DMC1: variants seen among roughly 807,000 people sequenced by gnomAD.
DMC1 encodes the protein DNA meiotic recombinase 1, also known as meiotic recombination protein DMC1 homolog.
DMC1 carries 27 observed loss-of-function variants against 50.1 expected under a neutral mutation model. The ratio of observed to expected loss-of-function variants is 0.54; its 90% CI spans 0.40 to 0.74. DMC1 has a LOEUF of 0.74. Ranked by LOEUF, DMC1 falls within the 30% of genes least tolerant of loss-of-function variation. DMC1 has a pLI of 0.00. For synonymous variants in DMC1, 148 were observed against 136.1 expected, an observed-to-expected ratio of 1.09 and a Z score of -0.61; for missense variants, 295 against 420.2, an observed-to-expected ratio of 0.70 and a Z score of 2.60.
At chr22:38,520,404 C>A (rs186315687) in intron 13 of DMC1, among the ~76,000 whole-genome samples, 1 of 151,400 alleles carries the variant, frequency 6.6e-6, no homozygotes, top group African/African-American at 2.4e-5. Flanking sequence ...TTGCTCTTGT[C>A]CCCCAGGCAA....
chr22:38,533,757 T>C (rs149109310), intron 12 of DMC1, among the ~76,000 whole-genome samples: 141 of 152,284 alleles, frequency 9.3e-4, no homozygotes, highest in African/African-American at 3.2e-3. Context: ...AGTCTCAAAT[T>C]ATCACACCAC....
rs776357976 is a variant in DMC1 at position 38,550,017 on chromosome 22, T to G, written c.422-20A>C. On this transcript the variant is annotated intron_variant, in intron 7 of 13. Transcript: ENST00000216024. Reference sequence around the variant, plus strand: ...CTGTCACTAGGAAGCAATTAAAAATTTATATTAATAGGAGTGAATAAACTT... The same window carrying G: ...CTGTCACTAGGAAGCAATTAAAAATGTATATTAATAGGAGTGAATAAACTT... 1 of 1,586,090 alleles carries G rather than the reference T, an allele frequency of 6.3e-7. No individual in the cohort carries two copies. Among genetic ancestry groups the G allele is most frequent in the Non-Finnish European group, 8.6e-7 (1 of 1,157,564 alleles).
intron 8 of DMC1, among the ~76,000 whole-genome samples, chr22:38,540,471 T>TAAAAAAAATGTTTA (rs2090268582): frequency 6.6e-6 from 1 of 152,232 alleles, no homozygotes; most frequent in Non-Finnish European, 1.5e-5. Context: ...AATAAACATT[T>TAAAAAAAATGTTTA]TTTTTAGGTC....
chr22:38,546,544 C>G (rs1406371283), intron 8 of DMC1, among the ~76,000 whole-genome samples: 1 of 152,172 alleles, frequency 6.6e-6, no homozygotes, highest in African/African-American at 2.4e-5. Flanking sequence ...CGACATTTCA[C>G]CCTCCTTCCC....
At chr22:38,530,973 G>A (rs969705919) in intron 12 of DMC1, among the ~76,000 whole-genome samples, 2 of 152,154 alleles carry the variant, frequency 1.3e-5, no homozygotes, top group African/African-American at 2.4e-5. Flanking sequence ...AGGAGGCTGA[G>A]GCAGGAGAAT....
At chr22:38,540,204 C>A (rs561439167) in intron 8 of DMC1, among the ~76,000 whole-genome samples, 41 of 152,190 alleles carry the variant, frequency 2.7e-4, no homozygotes, top group African/African-American at 9.6e-4. Flanking sequence ...AGCCATCATA[C>A]CTAGCTAATT....
chr22:38,525,446 C>A (rs1159499562), intron 12 of DMC1, among the ~76,000 whole-genome samples: 1 of 152,116 alleles, frequency 6.6e-6, no homozygotes, highest in South Asian at 2.1e-4. Flanking sequence ...AGATGTATAG[C>A]CATGATTTTT....
At chr22:38,555,063 C>G (rs564001039) in intron 6 of DMC1, among the ~76,000 whole-genome samples, 2 of 148,436 alleles carry the variant, frequency 1.3e-5, no homozygotes, top group African/African-American at 5.0e-5. Context: ...CAGCCTGGAC[C>G]TGGGTGACAC....
At chr22:38,535,060 G>A (rs2090195380) in intron 12 of DMC1, among the ~76,000 whole-genome samples, 2 of 152,002 alleles carry the variant, frequency 1.3e-5, no homozygotes, top group Non-Finnish European at 2.9e-5. Context: ...AGCACTTTGG[G>A]AGGCCGGGGC....
intron 12 of DMC1, among the ~76,000 whole-genome samples, chr22:38,524,004 T>C (rs1379108604): frequency 6.6e-6 from 1 of 152,226 alleles, no homozygotes; most frequent in African/African-American, 2.4e-5. Context: ...TCAATGCTGC[T>C]CATTCTCCTG....
At chr22:38,538,971 G>A (rs2090249660) in intron 9 of DMC1, among the ~76,000 whole-genome samples, 1 of 151,758 alleles carries the variant, frequency 6.6e-6, no homozygotes, top group Non-Finnish European at 1.5e-5. Flanking sequence ...AGGAGTTGGA[G>A]GTTGCAGTGA....
intron 2 of DMC1, among the ~76,000 whole-genome samples, chr22:38,567,964 C>T (rs947095913): frequency 6.6e-6 from 1 of 152,220 alleles, no homozygotes. Flanking sequence ...GGCTGCTATT[C>T]GGTACCCGTG....
intron 4 of DMC1, 45 bp from the exon 5 acceptor site, chr22:38,562,414 A>G (rs765540225): frequency 2.9e-6 from 4 of 1,373,388 alleles, no homozygotes; most frequent in Non-Finnish European, 4.2e-6. Flanking sequence ...TTTAAAGATC[A>G]TGGTTGTATT....
At chr22:38,526,487 C>A (rs2090091037) in intron 12 of DMC1, among the ~76,000 whole-genome samples, 2 of 151,928 alleles carry the variant, frequency 1.3e-5, no homozygotes, top group South Asian at 4.2e-4. Flanking sequence ...GGATTACAGG[C>A]GTGGGCCACC....
intron 8 of DMC1, among the ~76,000 whole-genome samples, chr22:38,543,290 C>T (rs2145890949): frequency 6.7e-6 from 1 of 149,692 alleles, no homozygotes; most frequent in African/African-American, 2.5e-5. Flanking sequence ...AGTGCAATGG[C>T]ATGATCTCGG....
At chr22:38,555,536 C>T (rs2090460970) in intron 5 of DMC1, 127 bp from the exon 6 acceptor site, 2 of 651,640 alleles carry the variant, frequency 3.1e-6, no homozygotes, top group East Asian at 2.9e-5. Flanking sequence ...ATCTACCTAT[C>T]TATCTACAGA....
At chr22:38,510,612 A>G in the DMC1 span, among the ~76,000 whole-genome samples, 1 of 152,210 alleles carries the variant, frequency 6.6e-6, no homozygotes, top group Non-Finnish European at 1.5e-5. Flanking sequence ...AGCTGAATGT[A>G]GCTGCGTGAG....
At position 38,568,233 on chromosome 22, in the gene DMC1, C is replaced by T. The variant is rs182712531; in HGVS notation, c.24G>A (p.Ala8=). The change falls in exon 2 of 14, where the codon GCG becomes GCA. Residue 8 remains alanine, a synonymous_variant. Transcript: ENST00000216024. ...CTTCATCTTGGAATCCTGGTTCTTCCGCCACAACTTGATCCTCCTTCATAT... is the reference window on the plus strand; with the variant it reads ...CTTCATCTTGGAATCCTGGTTCTTCTGCCACAACTTGATCCTCCTTCATAT... MKEDQVV[A]EEPGFQDEEE... The T allele has an allele frequency of 9.1e-5, 147 of 1,614,068 alleles. No homozygotes were observed. Among genetic ancestry groups the T allele is most frequent in the African/African-American group, 8.1e-4 (61 of 75,002 alleles).
intron 12 of DMC1, among the ~76,000 whole-genome samples, chr22:38,528,313 C>T (rs2090117322): frequency 6.6e-6 from 1 of 151,734 alleles, no homozygotes; most frequent in Non-Finnish European, 1.5e-5. Context: ...ATCTGCCCGC[C>T]TTGGCCTCCC....
Sources: allele counts gnomAD v4.1 joint callset (sites outside exome capture counted in the v4.1 genomes callset), GRCh38; gene constraint gnomAD v4.1.1; transcripts MANE v1.5; gene names NCBI Gene and HGNC (gene_info 2026-07-23, HGNC 2026-07-21).